ARID3A: variants seen among roughly 807,000 people sequenced by gnomAD.
The protein encoded by ARID3A is AT-rich interactive domain-containing protein 3A.
ARID3A carries 11 observed loss-of-function variants against 52.7 expected under a neutral mutation model. The ratio of observed to expected loss-of-function variants is 0.21; its 90% confidence interval spans 0.13 to 0.35. The LOEUF is 0.35. Among genes scored for constraint, ARID3A ranks in the 10% least tolerant of loss-of-function variants. ARID3A has a pLI of 1.00. For synonymous variants in ARID3A, 404 were observed against 359.4 expected (o/e 1.12, Z -1.40); for missense variants, 721 against 838.5 (o/e 0.86, Z 1.73).
chr19:931,687 C>T (rs568183434), intron 2 of ARID3A, among the ~76,000 whole-genome samples: 3 of 151,798 alleles, frequency 2.0e-5, no homozygotes, highest in Non-Finnish European at 4.4e-5. Flanking sequence ...GTGGCGGGCG[C>T]CTGTAGTCCC....
At position 974,961 on chromosome 19, in the gene ARID3A, T is replaced by C. The variant is rs1317363143; in HGVS notation, c.*2896T>C. 4.3e-6 allele frequency: 1 copy of C among 229,982 alleles called. No individual in the cohort carries two copies. Among genetic ancestry groups the C allele is most frequent in the Non-Finnish European group, 8.6e-6 (1 of 116,158 alleles). The allele number at this position is 229,982 out of a possible 1,614,324, so 14.2% of individuals were successfully genotyped here. ...TGCTGGCCGTGGAAATGGGAGGCGG[T>C]TGCAGAGGGTCTATGGGGCCCGGTC... On this transcript the variant is annotated 3_prime_UTR_variant, in exon 9 of 9. Coordinates refer to ENST00000263620, the MANE Select transcript of ARID3A (RefSeq NM_005224.3).
chr19:968,708 GT>G, intron 8 of ARID3A: 3 of 526,766 alleles, frequency 5.7e-6, no homozygotes, highest in Non-Finnish European at 1.0e-5. Flanking sequence ...CCCAGAGGGG[GT>G]CGTCCACAGA....
intron 7 of ARID3A, among the ~76,000 whole-genome samples, chr19:967,118 G>C (rs545347466): frequency 6.6e-6 from 1 of 152,066 alleles, no homozygotes; most frequent in African/African-American, 2.4e-5. Flanking sequence ...AATTAGCCGG[G>C]CGTGGCAGCG....
intron 3 of ARID3A, among the ~76,000 whole-genome samples, chr19:951,020 C>T (rs2037793915): frequency 1.3e-5 from 2 of 151,954 alleles, no homozygotes; most frequent in Admixed American, 1.3e-4. Context: ...TGGGGTTTCT[C>T]CATGTTGGTC....
Position 973,524 on chromosome 19 carries a change from C to T in ARID3A, c.*1459C>T, listed in dbSNP as rs2038324973. The stretch of plus-strand genomic sequence containing the variant: ...CCTGTCTCAGGGATGAATGTGGCGT[C>T]TCATTGGGATTCTTCTCTTGCCCGA... On this transcript the variant is annotated 3_prime_UTR_variant, in exon 9 of 9. Coordinates refer to ENST00000263620, the MANE Select transcript of ARID3A (RefSeq NM_005224.3). The T allele has an allele frequency of 2.3e-5, 5 of 221,778 alleles. No homozygotes were observed. Among genetic ancestry groups the T allele is most frequent in the Non-Finnish European group, 4.5e-5 (5 of 110,862 alleles). The allele number at this position is 221,778 out of a possible 1,614,324, so 13.7% of individuals were successfully genotyped here.
intron 8 of ARID3A, among the ~76,000 whole-genome samples, chr19:971,123 G>A (rs2038269400): frequency 1.3e-5 from 2 of 152,186 alleles, no homozygotes; most frequent in South Asian, 2.1e-4. Context: ...ACACACGTGT[G>A]TGCTCACGTG....
Position 929,989 on chromosome 19 carries a change from C to G in ARID3A, c.368+93C>G. The G allele has an allele frequency of 6.8e-7, 1 of 1,474,316 alleles. No individual in the cohort carries two copies. Among genetic ancestry groups the G allele is most frequent in the Non-Finnish European group, 9.0e-7 (1 of 1,107,512 alleles). 91.3% of individuals were successfully genotyped at this position (1,474,316 alleles called of 1,614,324 possible). On this transcript the variant is annotated intron_variant, in intron 2 of 8. Transcript: ENST00000263620. This position sits in a 1 kb window ranked among gnomAD's most constrained non-coding sequence, Gnocchi z 6.2. The stretch of plus-strand genomic sequence containing the variant: ...TGCAGAATGGGAGTAAGGGTCAGGT[C>G]GCGGGATCTCCTTCCTGTAATTCCA...
Position 972,148 on chromosome 19 carries a change from T to C in ARID3A, c.*83T>C. ...CAGGTGGGCCACACAGGGGCCAGGATGGCGGAAGATACGGGTGGGGAGGGA... is the reference window on the plus strand; with the variant it reads ...CAGGTGGGCCACACAGGGGCCAGGACGGCGGAAGATACGGGTGGGGAGGGA... On this transcript the variant is annotated 3_prime_UTR_variant, in exon 9 of 9. Transcript: ENST00000263620. 2 of 1,327,776 alleles carry C rather than the reference T, an allele frequency of 1.5e-6. No individual in the cohort carries two copies. Among genetic ancestry groups the C allele is most frequent in the Non-Finnish European group, 1.0e-6 (1 of 1,001,440 alleles). 82.2% of individuals were successfully genotyped at this position (1,327,776 alleles called of 1,614,324 possible). A position where few individuals can be genotyped will look rare whatever the true frequency, so the allele number is the denominator to read the frequency against.
rs571952307 is a variant in ARID3A at position 942,487 on chromosome 19, G to A, written c.693+9745G>A. ...GTGCGGACCGCCTCTTCTCCGCTCT[G>A]CCGGCTGCACATGGCCAGAGGACAA... On this transcript the variant is annotated intron_variant, in intron 3 of 8. Transcript: ENST00000263620. This position sits in a 1 kb window ranked among gnomAD's most constrained non-coding sequence, Gnocchi z 8.1. 2.6e-5 allele frequency among the ~76,000 whole-genome samples: 4 copies of A among 152,348 alleles called. No individual in the cohort carries two copies. In the East Asian group the frequency reaches 7.7e-4, roughly 29 times the overall value.
chr19:956,874 C>G (rs2037929079), intron 3 of ARID3A, among the ~76,000 whole-genome samples: 4 of 152,188 alleles, frequency 2.6e-5, no homozygotes. Context: ...TGGGATGTCC[C>G]CGCAGCAGCA....
chr19:969,382 T>C (rs766983418), intron 8 of ARID3A, among the ~76,000 whole-genome samples: 24 of 151,142 alleles, frequency 1.6e-4, no homozygotes, highest in Admixed American at 5.3e-4. Context: ...CCTAAAAATA[T>C]AAAAATCAGC....
chr19:946,718 G>A (rs2037691240), intron 3 of ARID3A, among the ~76,000 whole-genome samples: 1 of 152,152 alleles, frequency 6.6e-6, no homozygotes, highest in South Asian at 2.1e-4. Flanking sequence ...TGGGATTACA[G>A]GCGTGAGCCA....
At chr19:969,898 G>A (rs2038242197) in intron 8 of ARID3A, among the ~76,000 whole-genome samples, 1 of 151,580 alleles carries the variant, frequency 6.6e-6, no homozygotes, top group Non-Finnish European at 1.5e-5. Context: ...TCACCATGTT[G>A]GCCAGGCTGG....
chr19:954,933 G>A (rs2145426248), intron 3 of ARID3A, among the ~76,000 whole-genome samples: 1 of 152,278 alleles, frequency 6.6e-6, no homozygotes, highest in Admixed American at 6.5e-5. Context: ...GGAGGGGAGT[G>A]CGGGCCGCTT....
In ARID3A at chr19:947,897, G is replaced by A. The variant is rs992034979; in HGVS notation, c.694-12195G>A. Among the ~76,000 whole-genome samples, 6 of 152,154 alleles carry A rather than the reference G, an allele frequency of 3.9e-5. No individual in the cohort carries two copies. The highest frequency in any genetic ancestry group is 2.0e-4 in the Admixed American group (3 of 15,280). On this transcript the variant is annotated intron_variant, in intron 3 of 8. Coordinates refer to ENST00000263620, the MANE Select transcript of ARID3A (RefSeq NM_005224.3). This position sits in a 1 kb window ranked among gnomAD's most constrained non-coding sequence, Gnocchi z 6.3. Reference sequence around the variant, plus strand: ...GGCGGGGCTCTCAGCATCTGCATCCGCCGAGGCCTGGCTGTGCTGACGGGA... The same window carrying A: ...GGCGGGGCTCTCAGCATCTGCATCCACCGAGGCCTGGCTGTGCTGACGGGA...
At chr19:965,869 G>A (rs2038138453) in intron 6 of ARID3A, among the ~76,000 whole-genome samples, 1 of 151,960 alleles carries the variant, frequency 6.6e-6, no homozygotes, top group East Asian at 1.9e-4. Flanking sequence ...GCACACACCT[G>A]TAGTCCCAGC....
At position 940,077 on chromosome 19, in the gene ARID3A, C is replaced by T. The variant is rs189580239; in HGVS notation, c.693+7335C>T. Among the ~76,000 whole-genome samples, 87 of 151,932 alleles carry T rather than the reference C, an allele frequency of 5.7e-4. 1 individual carries two copies. In the East Asian group the frequency reaches 8.6e-3, roughly 15 times the overall value. On this transcript the variant is annotated intron_variant, in intron 3 of 8. Transcript: ENST00000263620. ...CTAGAGGGGATTGAGGGGGAGGCTG[C>T]CAAGAGGAAGGGGCATTGGGGCTGG...
In ARID3A at chr19:972,107, G is replaced by A. The variant is rs1211331300; in HGVS notation, c.*42G>A. On this transcript the variant is annotated 3_prime_UTR_variant, in exon 9 of 9. Transcript: ENST00000263620. ...CCGCCACCCACCCTGGAGCCCGCCG[G>A]CCTGGGCAGGGGGTCCAGGTGGGCC... 1 of 1,489,094 alleles carries A rather than the reference G, an allele frequency of 6.7e-7. No homozygotes were observed. The highest frequency in any genetic ancestry group is 8.9e-7 in the Non-Finnish European group (1 of 1,123,538). 92.2% of individuals were successfully genotyped at this position (1,489,094 alleles called of 1,614,324 possible). A position where few individuals can be genotyped will look rare whatever the true frequency, so the allele number is the denominator to read the frequency against.
At chr19:953,258 T>C (rs912441894) in intron 3 of ARID3A, among the ~76,000 whole-genome samples, 9 of 152,058 alleles carry the variant, frequency 5.9e-5, no homozygotes, top group African/African-American at 2.2e-4. Flanking sequence ...CTCTGGGAGG[T>C]GGGGTGGAGA....
Sources: allele counts gnomAD v4.1 joint callset (sites outside exome capture counted in the v4.1 genomes callset), GRCh38; gene constraint gnomAD v4.1.1; non-coding constraint Gnocchi (gnomAD v3.1); transcripts MANE v1.5; gene names NCBI Gene and HGNC (gene_info 2026-07-23, HGNC 2026-07-21).